SLCO1B1: variants seen among roughly 807,000 people sequenced by gnomAD.
SLCO1B1 encodes OATP-2.
A neutral mutation model predicts 70.1 loss-of-function variants in SLCO1B1; 81 were observed. The ratio of observed to expected loss-of-function variants is 1.16; its 90% CI spans 0.97 to 1.39. The LOEUF is 1.39. SLCO1B1 is among the 40% of genes most tolerant of loss of function. The probability of loss-of-function intolerance (pLI) is 0.00; values close to 1 mark genes in which losing one functional copy is unlikely to be tolerated. For synonymous variants in SLCO1B1, 283 were observed against 271.5 expected (o/e 1.04, Z -0.42); for missense variants, 895 against 799.6 (o/e 1.12, Z -1.44).
At chr12:21,230,323 C>CTTTTTTTTTT (rs745494878) in intron 14 of SLCO1B1, among the ~76,000 whole-genome samples, 1 of 70,262 alleles carries the variant, frequency 1.4e-5, no homozygotes, top group Admixed American at 1.8e-4. Flanking sequence ...CTGTAGTATT[C>CTTTTTTTTTT]TTTTTTTTTT....
At chr12:21,154,335 A>C (rs370809854) in intron 2 of SLCO1B1, among the ~76,000 whole-genome samples, 1 of 152,092 alleles carries the variant, frequency 6.6e-6, no homozygotes, top group Non-Finnish European at 1.5e-5. Flanking sequence ...AAGAGACCCA[A>C]TAGAGCTTCC....
intron 11 of SLCO1B1, among the ~76,000 whole-genome samples, chr12:21,212,067 G>A (rs1253459819): frequency 6.8e-6 from 1 of 146,760 alleles, no homozygotes; most frequent in East Asian, 2.0e-4. Context: ...ATTTCCTTCA[G>A]TTCTGCTCTG....
chr12:21,172,849 T>C (rs1195741657), intron 3 of SLCO1B1, 58 bp downstream of exon 3: 3 of 1,461,754 alleles, frequency 2.1e-6, no homozygotes, highest in Non-Finnish European at 2.8e-6. Flanking sequence ...ATATATATGC[T>C]TTACACCACT....
chr12:21,207,407 T>C (rs1177094099), intron 11 of SLCO1B1, among the ~76,000 whole-genome samples: 1 of 152,062 alleles, frequency 6.6e-6, no homozygotes, highest in Non-Finnish European at 1.5e-5. Flanking sequence ...TTTCTGTTCC[T>C]ATGTTAATTC....
intron 1 of SLCO1B1, among the ~76,000 whole-genome samples, chr12:21,134,739 T>G (rs1426998009): frequency 6.6e-6 from 1 of 152,218 alleles, no homozygotes; most frequent in Non-Finnish European, 1.5e-5. Flanking sequence ...TCTTTATTAG[T>G]CTTGCTAGTG....
At chr12:21,160,207 T>A (rs547404495) in intron 2 of SLCO1B1, among the ~76,000 whole-genome samples, 1 of 150,896 alleles carries the variant, frequency 6.6e-6, no homozygotes, top group East Asian at 1.9e-4. Context: ...AGAGACATCA[T>A]GCCGTCTGAT....
At chr12:21,157,052 AC>A (rs1473398797) in intron 2 of SLCO1B1, among the ~76,000 whole-genome samples, 1 of 152,194 alleles carries the variant, frequency 6.6e-6, no homozygotes. Flanking sequence ...TCTTACCATG[AC>A]CTTCTAAAAT....
chr12:21,155,461 A>T (rs1266550701), intron 2 of SLCO1B1, among the ~76,000 whole-genome samples: 1 of 151,874 alleles, frequency 6.6e-6, no homozygotes. Flanking sequence ...GTAATGCTTA[A>T]ACTCCTGTTA....
intron 14 of SLCO1B1, among the ~76,000 whole-genome samples, chr12:21,232,358 T>C (rs1591751975): frequency 1.3e-5 from 2 of 152,186 alleles, no homozygotes; most frequent in East Asian, 3.9e-4. Context: ...ACAAAATTCC[T>C]GTCCTCTAGA....
chr12:21,200,894 A>T (rs1941149545), intron 9 of SLCO1B1, among the ~76,000 whole-genome samples: 1 of 152,106 alleles, frequency 6.6e-6, no homozygotes, highest in Admixed American at 6.6e-5. Context: ...TTCCTGAAAA[A>T]AATGTTGCAA....
Position 21,229,944 on chromosome 12 carries a change from C to T in SLCO1B1, c.1865+5105C>T, listed in dbSNP as rs192244493. Among the ~76,000 whole-genome samples, 10 of 152,230 alleles carry T rather than the reference C, an allele frequency of 6.6e-5. No homozygotes were observed. The East Asian group carries it at 1.9e-3, about 29-fold the overall frequency. On this transcript the variant is annotated intron_variant, in intron 14 of 14. Coordinates refer to ENST00000256958, the MANE Select transcript of SLCO1B1 (RefSeq NM_006446.5). ...GGGGACGTTTTTGACTTGTTCCTGACCTTAGTGGGAAGACTTTGAGTTTCT... is the reference window on the plus strand; with the variant it reads ...GGGGACGTTTTTGACTTGTTCCTGATCTTAGTGGGAAGACTTTGAGTTTCT...
At chr12:21,221,172 A>G (rs1941419455) in intron 12 of SLCO1B1, among the ~76,000 whole-genome samples, 1 of 152,184 alleles carries the variant, frequency 6.6e-6, no homozygotes, top group Admixed American at 6.5e-5. Flanking sequence ...TCAAAATAAT[A>G]AAAGCTATGT....
chr12:21,202,345 C>G, intron 9 of SLCO1B1, 146 bp from the exon 10 acceptor site: 2 of 620,778 alleles, frequency 3.2e-6, no homozygotes, highest in Non-Finnish European at 5.6e-6. Context: ...CATGCACATT[C>G]TGCACATGTA....
chr12:21,189,907 A>T (rs182770109), intron 7 of SLCO1B1, among the ~76,000 whole-genome samples: 1 of 152,330 alleles, frequency 6.6e-6, no homozygotes. Flanking sequence ...TCAAAAATAC[A>T]ACATATTGTG....
chr12:21,178,211 A>G lies in SLCO1B1; in HGVS notation c.482-365A>G, dbSNP rs1317992740. On this transcript the variant is annotated intron_variant, in intron 5 of 14. Transcript: ENST00000256958. ...TCTCGTGGTAATGAAGAAGTCTCACAAGATCTGATGATTTTATAAATGAGA... is the reference window on the plus strand; with the variant it reads ...TCTCGTGGTAATGAAGAAGTCTCACGAGATCTGATGATTTTATAAATGAGA... Among the ~76,000 whole-genome samples the G allele has an allele frequency of 3.9e-5, 6 of 152,186 alleles. No homozygotes were observed. In the East Asian group the frequency reaches 1.2e-3, roughly 29 times the overall value.
At chr12:21,134,428 C>T (rs1940187314) in intron 1 of SLCO1B1, among the ~76,000 whole-genome samples, 1 of 152,050 alleles carries the variant, frequency 6.6e-6, no homozygotes, top group Non-Finnish European at 1.5e-5. Flanking sequence ...CTCCTTGTAC[C>T]TCTGGTAGAA....
At chr12:21,149,743 G>A (rs1451739085) in intron 2 of SLCO1B1, among the ~76,000 whole-genome samples, 1 of 152,138 alleles carries the variant, frequency 6.6e-6, no homozygotes, top group Non-Finnish European at 1.5e-5. Flanking sequence ...ACACCACCAG[G>A]GCCCTGGGTT....
chr12:21,235,078 C>T (rs186003467), intron 14 of SLCO1B1, among the ~76,000 whole-genome samples: 7 of 141,818 alleles, frequency 4.9e-5, no homozygotes, highest in Admixed American at 1.4e-4. Flanking sequence ...TACTTCAAGT[C>T]GAATTTTTTT....
intron 1 of SLCO1B1, among the ~76,000 whole-genome samples, chr12:21,136,511 T>G (rs1291714231): frequency 1.3e-5 from 2 of 152,220 alleles, no homozygotes; most frequent in Non-Finnish European, 2.9e-5. Flanking sequence ...CCCATATTTC[T>G]TGGAGGCTTT....
Sources: allele counts gnomAD v4.1 joint callset (sites outside exome capture counted in the v4.1 genomes callset), GRCh38; gene constraint gnomAD v4.1.1; transcripts MANE v1.5; gene names NCBI Gene and HGNC (gene_info 2026-07-23, HGNC 2026-07-21).